TENM1: variants seen among roughly 807,000 people sequenced by gnomAD.
The protein encoded by TENM1 is teneurin transmembrane protein 1.
In TENM1, 35 loss-of-function variants were observed where a neutral mutation model predicts 174.8. The ratio of observed to expected loss-of-function variants is 0.20; its 90% CI spans 0.15 to 0.27. The LOEUF (loss-of-function observed/expected upper bound fraction) is 0.27. Among genes scored for constraint, TENM1 ranks in the 10% least tolerant of loss-of-function variants. TENM1 has a pLI of 1.00. For missense variants in TENM1, 1,633 were observed against 2,130.1 expected (o/e 0.77, Z 4.59); for synonymous variants, 781 against 798.7 (o/e 0.98, Z 0.37).
chrX:124,967,852 C>T (rs929069537), upstream of TENM1, among the ~76,000 whole-genome samples: 1 of 111,817 alleles, frequency 8.9e-6, no homozygotes, highest in Non-Finnish European at 1.9e-5. Context: ...AACCCATCCT[C>T]CACACTGCCA....
At chrX:125,179,360 C>T in the TENM1 span, among the ~76,000 whole-genome samples, 46 of 110,422 alleles carry the variant, frequency 4.2e-4, no homozygotes, top group Admixed American at 4.4e-3. Flanking sequence ...AGGTGCTAAT[C>T]CTGGTGCTTT....
intron 18 of TENM1, among the ~76,000 whole-genome samples, chrX:124,509,886 A>AT (rs2047542330): frequency 9.5e-6 from 1 of 105,635 alleles, no homozygotes; most frequent in African/African-American, 3.7e-5. Flanking sequence ...ACGCCTGGCT[A>AT]ATTTTTTTTT....
the TENM1 span, among the ~76,000 whole-genome samples, chrX:124,979,770 A>G: frequency 9.0e-6 from 1 of 111,392 alleles, no homozygotes; most frequent in Non-Finnish European, 1.9e-5. Flanking sequence ...AATAATTGAA[A>G]AGAAAAAATA....
intron 1 of TENM1, among the ~76,000 whole-genome samples, chrX:124,962,431 G>A (rs2058667736): frequency 8.9e-6 from 1 of 111,795 alleles, no homozygotes; most frequent in East Asian, 2.8e-4. Context: ...AAATTCTCAG[G>A]TTTTGCTGTT....
At chrX:124,385,682 T>G (rs1436238140) in exon 29 of TENM1, 1 of 1,189,919 alleles carries the variant, frequency 8.4e-7, no homozygotes, top group East Asian at 3.0e-5. Context: ...CAAACCTGTT[T>G]GCCTGTATCT....
At chrX:124,758,048 C>G (rs2054310880) in intron 3 of TENM1, among the ~76,000 whole-genome samples, 1 of 111,293 alleles carries the variant, frequency 9.0e-6, no homozygotes, top group African/African-American at 3.3e-5. Context: ...AGGAAACAAT[C>G]AAAAGAGTGA....
At chrX:125,047,531 G>A in the TENM1 span, among the ~76,000 whole-genome samples, 1 of 111,415 alleles carries the variant, frequency 9.0e-6, no homozygotes, top group Admixed American at 9.6e-5. Context: ...TTCAAATAAT[G>A]TAACACTCAC....
chrX:125,005,890 C>T, the TENM1 span, among the ~76,000 whole-genome samples: 2 of 111,514 alleles, frequency 1.8e-5, no homozygotes, highest in Admixed American at 9.5e-5. Context: ...CAAGAGATTC[C>T]CTTGTGAGCC....
chrX:124,641,723 C>T (rs2051021296), intron 11 of TENM1, 68 bp downstream of exon 14: 7 of 1,036,876 alleles, frequency 6.8e-6, no homozygotes, highest in Non-Finnish European at 1.3e-6. Flanking sequence ...TTAAGAAACA[C>T]TGCCTTAAGG....
chrX:124,987,848 A>G, the TENM1 span, among the ~76,000 whole-genome samples: 34 of 110,657 alleles, frequency 3.1e-4, no homozygotes, highest in Non-Finnish European at 4.0e-4. Context: ...TCAGGATTTT[A>G]GAACACATCT....
intron 16 of TENM1, among the ~76,000 whole-genome samples, chrX:124,527,666 T>G (rs1476286771): frequency 9.5e-6 from 1 of 105,576 alleles, no homozygotes; most frequent in Non-Finnish European, 1.9e-5. Context: ...TTTTTTTTTT[T>G]GAGACAGAGT....
intron 11 of TENM1, among the ~76,000 whole-genome samples, chrX:124,573,218 A>G (rs1602688914): frequency 8.9e-6 from 1 of 111,975 alleles, no homozygotes; most frequent in Admixed American, 9.5e-5. Flanking sequence ...CTTTAGAAAC[A>G]TAATGATGAA....
At chrX:124,453,881 C>T (rs925333501) in intron 22 of TENM1, among the ~76,000 whole-genome samples, 5 of 111,419 alleles carry the variant, frequency 4.5e-5, no homozygotes, top group Admixed American at 9.5e-5. Context: ...CTTATTTTCA[C>T]GATTGCATTA....
the TENM1 span, among the ~76,000 whole-genome samples, chrX:125,004,972 G>A: frequency 9.0e-6 from 1 of 110,875 alleles, no homozygotes; most frequent in African/African-American, 3.3e-5. Context: ...GCAAGTTAGT[G>A]ACAGAACAGA....
the TENM1 span, among the ~76,000 whole-genome samples, chrX:125,024,353 C>T: frequency 0.28 from 29,981 of 108,367 alleles, 4,988 homozygotes; most frequent in African/African-American, 0.62. Context: ...TATATATATA[C>T]ACACATACAT....
chrX:124,894,323 T>C (rs1315427216), exon 3 of TENM1: 3 of 1,202,131 alleles, frequency 2.5e-6, no homozygotes, highest in Non-Finnish European at 2.2e-6. Context: ...TGAGCCTCCA[T>C]GTCACAACAA....
chrX:125,204,011 C>T, the TENM1 span: 5 of 113,451 alleles, frequency 4.4e-5, no homozygotes, highest in Non-Finnish European at 9.4e-5. Context: ...CAGCGGTGCT[C>T]TAAACCGGCG....
chrX:124,406,300 G>A lies in TENM1; in HGVS notation c.5155+17C>T, dbSNP rs199552427. On this transcript the variant is annotated intron_variant, in intron 26 of 31. Coordinates refer to ENST00000422452, the Ensembl canonical transcript of TENM1. ...ATAGGGGCTGTTACAGTCAGATATC[G>A]TTGGAAACAATCTTACCTTGTTTTA... is the stretch of plus-strand genomic sequence containing the variant. The A allele has an allele frequency of 4.5e-5, 53 of 1,184,439 alleles. No individual in the cohort carries two copies. The highest frequency in any genetic ancestry group is 6.0e-5 in the East Asian group (2 of 33,528).
chrX:124,601,365 A>G (rs1302900149), intron 11 of TENM1, among the ~76,000 whole-genome samples: 4 of 111,125 alleles, frequency 3.6e-5, no homozygotes, highest in Admixed American at 9.6e-5. Context: ...GCACTGGTGA[A>G]GGGACTGACC....
Sources: allele counts gnomAD v4.1 joint callset (sites outside exome capture counted in the v4.1 genomes callset), GRCh38; gene constraint gnomAD v4.1.1; transcripts MANE v1.5; gene names NCBI Gene and HGNC (gene_info 2026-07-23, HGNC 2026-07-21).